Variants in KIRREL3 observed in about 807,000 individuals in gnomAD.
KIRREL3 encodes the protein kirre like nephrin family adhesion molecule 3, also known as kin of IRRE-like protein 3.
Under a neutral mutation model 89.7 loss-of-function variants are expected in KIRREL3, and 36 were observed. The ratio of observed to expected loss-of-function variants is 0.40; its 90% CI spans 0.31 to 0.53. KIRREL3 has a LOEUF of 0.53. Ranked by LOEUF, KIRREL3 falls within the 20% of genes least tolerant of loss-of-function variation. The pLI, the probability that KIRREL3 is intolerant of heterozygous loss-of-function variation, is 0.49. For synonymous variants in KIRREL3, 445 were observed against 441.4 expected, an observed-to-expected ratio of 1.01 and a Z score of -0.10; for missense variants, 864 against 1,056.6, an observed-to-expected ratio of 0.82 and a Z score of 2.53.
chr11:126,462,863 A>G lies in KIRREL3; in HGVS notation c.742+294T>C, dbSNP rs762821931. Among the ~76,000 whole-genome samples, 19 of 152,188 alleles carry G rather than the reference A, an allele frequency of 1.2e-4. No individual in the cohort carries two copies. Among genetic ancestry groups the G allele is most frequent in the Non-Finnish European group, 2.1e-4 (14 of 68,036 alleles). ...CCCTCCAACAGAGGGGCCACCGGCT[A>G]GGCCAGCAGAGGCAGCAGCTGACCG... On this transcript the variant is annotated intron_variant, in intron 6 of 16. Coordinates refer to ENST00000525144, the MANE Select transcript of KIRREL3 (RefSeq NM_032531.4). This position sits in a 1 kb window ranked among gnomAD's most constrained non-coding sequence, Gnocchi z 4.8.
rs1950232661 is a variant in KIRREL3, at chr11:126,778,440, G to A, written c.56-215528C>T. On this transcript the variant is annotated intron_variant, in intron 1 of 16. Transcript: ENST00000525144. This position sits in a 1 kb window ranked among gnomAD's most constrained non-coding sequence, Gnocchi z 4.5. ...ACACTTCCACACCATAGCATTTAAT[G>A]TCTACAAGCTATGCAACTGTGAGGT... Among the ~76,000 whole-genome samples, 2 of 152,184 alleles carry A rather than the reference G, an allele frequency of 1.3e-5. No homozygotes were observed. Among genetic ancestry groups the A allele is most frequent in the Admixed American group, 6.5e-5 (1 of 15,282 alleles).
At position 126,995,640 on chromosome 11, in the gene KIRREL3, A is replaced by G. The variant is rs956700998; in HGVS notation, c.55+4815T>C. 6.6e-6 allele frequency among the ~76,000 whole-genome samples: 1 copy of G among 152,104 alleles called. No individual in the cohort carries two copies. The highest frequency in any genetic ancestry group is 6.5e-5 in the Admixed American group (1 of 15,268). On this transcript the variant is annotated intron_variant, in intron 1 of 16. Coordinates refer to ENST00000525144, the MANE Select transcript of KIRREL3 (RefSeq NM_032531.4). This position sits in a 1 kb window ranked among gnomAD's most constrained non-coding sequence, Gnocchi z 6.5. ...TTTCTTTTCCTCATCCATGTTTCCA[A>G]AACAGTTTATCTTTTTATCTCCTTG...
intron 1 of KIRREL3, among the ~76,000 whole-genome samples, chr11:126,856,555 GTATATATATATATATATA>G (rs36218965): frequency 0.089 from 12,229 of 136,652 alleles, 772 homozygotes; most frequent in Middle Eastern, 0.14. Context: ...ATTTTTCTAA[GTATATATATATATATATA>G]TATATATATA....
intron 3 of KIRREL3, among the ~76,000 whole-genome samples, chr11:126,524,670 G>A (rs370421765): frequency 7.9e-5 from 12 of 152,294 alleles, no homozygotes; most frequent in East Asian, 3.9e-4. Context: ...TTCAAGGAGC[G>A]TATCATTTCT....
intron 1 of KIRREL3, among the ~76,000 whole-genome samples, chr11:126,695,759 G>T (rs998564431): frequency 3.3e-5 from 5 of 152,216 alleles, no homozygotes; most frequent in African/African-American, 1.2e-4. Context: ...AGAGGGGAAG[G>T]AGGCAGGGAG....
chr11:126,869,191 C>T (rs1290117976), intron 1 of KIRREL3, among the ~76,000 whole-genome samples: 1 of 140,766 alleles, frequency 7.1e-6, no homozygotes, highest in East Asian at 2.1e-4. Flanking sequence ...CAGGACATGG[C>T]AGAATCCCTG....
rs955125901 is a variant in KIRREL3, at chr11:126,682,696, C to G, written c.56-119784G>C. Among the ~76,000 whole-genome samples the G allele has an allele frequency of 3.3e-5, 5 of 152,036 alleles. No homozygotes were observed. Among genetic ancestry groups the G allele is most frequent in the African/African-American group, 1.2e-4 (5 of 41,386 alleles). On this transcript the variant is annotated intron_variant, in intron 1 of 16. Coordinates refer to ENST00000525144, the MANE Select transcript of KIRREL3 (RefSeq NM_032531.4). The surrounding 1 kb of genome is among the most constrained non-coding windows in gnomAD (Gnocchi z 4.8). ...TTCTCATAAGAGACACAGCACACAG[C>G]CTAGATCCATCACATGCGCAGTTCA... is the stretch of plus-strand genomic sequence containing the variant.
rs569325047 is a variant in KIRREL3, at chr11:126,555,654, G to A, written c.133+7181C>T. On this transcript the variant is annotated intron_variant, in intron 2 of 16. Transcript: ENST00000525144. This position sits in a 1 kb window ranked among gnomAD's most constrained non-coding sequence, Gnocchi z 4.2. ...CAGCAGGAAGGCCCATGTGACTGGAGCGCAGGGTGTTTAAGGGGGTAGGAT... is the reference window on the plus strand; with the variant it reads ...CAGCAGGAAGGCCCATGTGACTGGAACGCAGGGTGTTTAAGGGGGTAGGAT... Among the ~76,000 whole-genome samples, 2 of 152,302 alleles carry A rather than the reference G, an allele frequency of 1.3e-5. No homozygotes were observed. The highest frequency in any genetic ancestry group is 1.9e-4 in the East Asian group (1 of 5,174).
intron 1 of KIRREL3, among the ~76,000 whole-genome samples, chr11:126,998,295 C>T (rs1237678127): frequency 6.6e-6 from 1 of 152,208 alleles, no homozygotes; most frequent in Non-Finnish European, 1.5e-5. Flanking sequence ...CCATAAAACA[C>T]CTTCCCACTT....
chr11:126,502,079 T>C (rs1314690220), intron 4 of KIRREL3, among the ~76,000 whole-genome samples: 1 of 152,172 alleles, frequency 6.6e-6, no homozygotes, highest in Non-Finnish European at 1.5e-5. Flanking sequence ...ACATGGATAA[T>C]GAATGTAAAA....
At chr11:126,503,206 G>A (rs1957916960) in intron 4 of KIRREL3, among the ~76,000 whole-genome samples, 1 of 152,184 alleles carries the variant, frequency 6.6e-6, no homozygotes, top group African/African-American at 2.4e-5. Flanking sequence ...GTTGCTGGCA[G>A]AAAGGCTCTG....
In KIRREL3 at chr11:126,576,540, G is replaced by A. The variant is rs1214164758; in HGVS notation, c.56-13628C>T. Among the ~76,000 whole-genome samples the A allele has an allele frequency of 6.6e-6, 1 of 152,144 alleles. No individual in the cohort carries two copies. The highest frequency in any genetic ancestry group is 1.5e-5 in the Non-Finnish European group (1 of 68,032). On this transcript the variant is annotated intron_variant, in intron 1 of 16. Coordinates refer to ENST00000525144, the MANE Select transcript of KIRREL3 (RefSeq NM_032531.4). This position sits in a 1 kb window ranked among gnomAD's most constrained non-coding sequence, Gnocchi z 5.4. ...ATTTAGAGGTAGGAAGTTTCATGTG[G>A]GTTTGGGCAAATTATTAAACATCCC...
rs1039694144 is a variant in KIRREL3, at chr11:126,656,842, G to A, written c.56-93930C>T. 1.3e-5 allele frequency among the ~76,000 whole-genome samples: 2 copies of A among 152,150 alleles called. No homozygotes were observed. The highest frequency in any genetic ancestry group is 1.3e-4 in the Admixed American group (2 of 15,282). Reference sequence around the variant, plus strand: ...CAAGGTGTGTGCATCGCTTGGGGCTGGGAGTCCCAGACCAGCCTGGCTGTC... The same window carrying A: ...CAAGGTGTGTGCATCGCTTGGGGCTAGGAGTCCCAGACCAGCCTGGCTGTC... On this transcript the variant is annotated intron_variant, in intron 1 of 16. Coordinates refer to ENST00000525144, the MANE Select transcript of KIRREL3 (RefSeq NM_032531.4). This position sits in a 1 kb window ranked among gnomAD's most constrained non-coding sequence, Gnocchi z 4.0.
chr11:126,593,291 A>G (rs543700320), intron 1 of KIRREL3, among the ~76,000 whole-genome samples: 2 of 152,272 alleles, frequency 1.3e-5, no homozygotes, highest in South Asian at 4.1e-4. Flanking sequence ...GGTGACTTGA[A>G]AATTACCTTT....
rs1438775577 is a variant in KIRREL3 at position 126,423,368 on chromosome 11, C to T, written c.*1212G>A. 1 of 152,170 alleles carries T rather than the reference C, an allele frequency of 6.6e-6. No individual in the cohort carries two copies. The highest frequency in any genetic ancestry group is 2.4e-5 in the African/African-American group (1 of 41,428). The allele number at this position is 152,170 out of a possible 1,614,324, so 9.4% of individuals were successfully genotyped here. ...TAATTGCCACCACAATCAGAGCTAT[C>T]AACTGCCTTTATTGTCTAGGAAGAT... On this transcript the variant is annotated 3_prime_UTR_variant, in exon 17 of 17. Transcript: ENST00000525144.
rs1334247690 is a variant in KIRREL3 at position 126,668,217 on chromosome 11, A to T, written c.56-105305T>A. Reference sequence around the variant, plus strand: ...GACTGGTGAGGGCTGGCTTCTTCATAGGCAGTGCCTTCTCTCTGTGTCCTT... The same window carrying T: ...GACTGGTGAGGGCTGGCTTCTTCATTGGCAGTGCCTTCTCTCTGTGTCCTT... On this transcript the variant is annotated intron_variant, in intron 1 of 16. Coordinates refer to ENST00000525144, the MANE Select transcript of KIRREL3 (RefSeq NM_032531.4). This position sits in a 1 kb window ranked among gnomAD's most constrained non-coding sequence, Gnocchi z 4.4. Among the ~76,000 whole-genome samples, 1 of 152,170 alleles carries T rather than the reference A, an allele frequency of 6.6e-6. No homozygotes were observed. The highest frequency in any genetic ancestry group is 1.5e-5 in the Non-Finnish European group (1 of 68,020).
At chr11:126,583,126 C>T (rs1191619950) in intron 1 of KIRREL3, among the ~76,000 whole-genome samples, 1 of 152,168 alleles carries the variant, frequency 6.6e-6, no homozygotes, top group Non-Finnish European at 1.5e-5. Flanking sequence ...GGCCCCATAC[C>T]TCCTGTGTGC....
At position 126,656,272 on chromosome 11, in the gene KIRREL3, T is replaced by C. The variant is rs1591891347; in HGVS notation, c.56-93360A>G. 2.5e-6 allele frequency: 1 copy of C among 392,184 alleles called. No individual in the cohort carries two copies. Among genetic ancestry groups the C allele is most frequent in the Non-Finnish European group, 5.2e-6 (1 of 193,478 alleles). The allele number at this position is 392,184 out of a possible 1,614,324, so 24.3% of individuals were successfully genotyped here. On this transcript the variant is annotated intron_variant, in intron 1 of 16. Coordinates refer to ENST00000525144, the MANE Select transcript of KIRREL3 (RefSeq NM_032531.4). The surrounding 1 kb of genome is among the most constrained non-coding windows in gnomAD (Gnocchi z 4.0). Reference sequence around the variant, plus strand: ...TCTGTGAGATATCAGGCTGGTTTCTTAACCATAACCTCCATGATTCAGTTT... The same window carrying C: ...TCTGTGAGATATCAGGCTGGTTTCTCAACCATAACCTCCATGATTCAGTTT...
At chr11:126,826,281 A>G (rs1943410625) in intron 1 of KIRREL3, among the ~76,000 whole-genome samples, 1 of 152,184 alleles carries the variant, frequency 6.6e-6, no homozygotes, top group Non-Finnish European at 1.5e-5. Context: ...CTGTCCGGAA[A>G]AATTTAGATG....
Sources: gnomAD v4.1 joint callset for allele counts (sites outside exome capture counted in the v4.1 genomes callset) on GRCh38, gnomAD v4.1.1 for gene constraint, Gnocchi (gnomAD v3.1) non-coding constraint, MANE v1.5 for transcripts, NCBI Gene and HGNC (gene_info 2026-07-23, HGNC 2026-07-21) for gene names.